PARP16: variants seen among roughly 807,000 people sequenced by gnomAD.
The protein encoded by PARP16 is protein mono-ADP-ribosyltransferase PARP16.
A neutral mutation model predicts 35.0 loss-of-function variants in PARP16; 31 were observed. That is an observed-to-expected ratio of 0.88 (90% confidence interval 0.66 to 1.19). The LOEUF (loss-of-function observed/expected upper bound fraction) is 1.19, where lower values mean the gene tolerates loss of function less well. Ranked by LOEUF, PARP16 falls within the 50% of genes most tolerant of loss-of-function variation. The pLI is 0.00. For synonymous variants in PARP16, 162 were observed against 169.5 expected (o/e 0.96, Z 0.34); for missense variants, 424 against 411.2 (o/e 1.03, Z -0.27).
chr15:65,253,752 C>T (rs918457248), downstream of PARP16, among the ~76,000 whole-genome samples: 1 of 152,200 alleles, frequency 6.6e-6, no homozygotes, highest in Admixed American at 6.5e-5. Flanking sequence ...ATCTTAGATA[C>T]TTGGATATAC....
chr15:65,270,944 C>T lies in PARP16; in HGVS notation c.303G>A (p.Gly101=), dbSNP rs1210777365. Residue 101 remains glycine (G), a synonymous_variant, in exon 2 of 6, where the codon GGG becomes GGA. Transcript: ENST00000649807. ...SSKVLTIHSA[G]KAEFEKIQKL... ...CGGACCAAAGTCTCACCTCTGCCTTCCCTGCACTGTGGATTGTCAGGACCT... is the reference window on the plus strand; with the variant it reads ...CGGACCAAAGTCTCACCTCTGCCTTTCCTGCACTGTGGATTGTCAGGACCT... 16 of 1,614,050 alleles carry T rather than the reference C, an allele frequency of 9.9e-6. No individual in the cohort carries two copies. The highest frequency in any genetic ancestry group is 1.4e-5 in the Non-Finnish European group (16 of 1,180,046).
chr15:65,264,998 G>A (rs1208023535), intron 3 of PARP16, among the ~76,000 whole-genome samples: 4 of 152,252 alleles, frequency 2.6e-5, no homozygotes, highest in Admixed American at 6.5e-5. Context: ...GAAGCCCCCT[G>A]AATTCCAGTA....
downstream of PARP16, among the ~76,000 whole-genome samples, chr15:65,254,320 T>C (rs540865016): frequency 2.6e-5 from 4 of 152,252 alleles, no homozygotes; most frequent in South Asian, 8.3e-4. Context: ...TACTTGGGAA[T>C]GTCATGATTT....
chr15:65,256,732 G>C (rs567374383), downstream of PARP16, among the ~76,000 whole-genome samples: 2 of 152,184 alleles, frequency 1.3e-5, no homozygotes, highest in African/African-American at 4.8e-5. Context: ...AGTCTTTCAA[G>C]ATCTGGTCCC....
chr15:65,275,740 TCCCAAATGGTGTA>T (rs1038768312), intron 1 of PARP16, among the ~76,000 whole-genome samples: 4 of 152,104 alleles, frequency 2.6e-5, no homozygotes, highest in Non-Finnish European at 5.9e-5. Flanking sequence ...TGAAGACATA[TCCCAAATGGTGTA>T]CCCTCAGGTA....
intron 2 of PARP16, among the ~76,000 whole-genome samples, chr15:65,269,205 T>TCTCTCTCTCTCTCTC (rs1567029678): frequency 8.8e-5 from 13 of 147,364 alleles, no homozygotes; most frequent in African/African-American, 3.3e-4. Context: ...TCTTTCTTTC[T>TCTCTCTCTCTCTCTC]TTTTTTTTTG....
intron 5 of PARP16, among the ~76,000 whole-genome samples, chr15:65,259,995 C>A (rs1240562484): frequency 6.6e-6 from 1 of 152,106 alleles, no homozygotes; most frequent in Non-Finnish European, 1.5e-5. Flanking sequence ...CAAGTGTGCA[C>A]TAAAGAGATG....
At chr15:65,235,263 C>T (rs1206150537) in intron 3 of PARP16, among the ~76,000 whole-genome samples, 7 of 151,608 alleles carry the variant, frequency 4.6e-5, no homozygotes, top group Non-Finnish European at 1.0e-4. Flanking sequence ...GCCGAGATCG[C>T]GCCACTGCAC....
chr15:65,242,924 AG>A (rs1399541337), intron 3 of PARP16, among the ~76,000 whole-genome samples: 4 of 152,086 alleles, frequency 2.6e-5, no homozygotes, highest in African/African-American at 9.7e-5. Flanking sequence ...CATGCTGGCC[AG>A]GCTGGTCTCG....
downstream of PARP16, chr15:65,234,403 G>C (rs1046781606): frequency 2.0e-5 from 3 of 152,198 alleles, no homozygotes; most frequent in Non-Finnish European, 4.4e-5. Context: ...AGACCTCTTG[G>C]GGGAGAAGCT....
At chr15:65,273,393 G>A (rs552986502) in intron 1 of PARP16, among the ~76,000 whole-genome samples, 75 of 152,090 alleles carry the variant, frequency 4.9e-4, no homozygotes, top group Non-Finnish European at 7.9e-4. Context: ...AACAGAGCCA[G>A]GTGTGGGGGC....
At chr15:65,242,171 T>C (rs953565946) in intron 3 of PARP16, among the ~76,000 whole-genome samples, 13 of 152,234 alleles carry the variant, frequency 8.5e-5, no homozygotes, top group African/African-American at 1.4e-4. Flanking sequence ...AAAAAATCAA[T>C]TGATAATATG....
At chr15:65,272,550 G>T (rs963058373) in intron 1 of PARP16, among the ~76,000 whole-genome samples, 9 of 152,102 alleles carry the variant, frequency 5.9e-5, no homozygotes, top group Non-Finnish European at 1.0e-4. Context: ...AGCATGTCTT[G>T]TTCCAAGAAT....
At chr15:65,243,481 G>C (rs1261020288) in intron 3 of PARP16, among the ~76,000 whole-genome samples, 1 of 151,918 alleles carries the variant, frequency 6.6e-6, no homozygotes, top group Non-Finnish European at 1.5e-5. Context: ...GAAATCCTGA[G>C]CTCAAGTGAT....
At chr15:65,239,149 T>C (rs1235396941) in intron 3 of PARP16, among the ~76,000 whole-genome samples, 1 of 151,474 alleles carries the variant, frequency 6.6e-6, no homozygotes, top group Admixed American at 6.6e-5. Context: ...AAAGGAAGGC[T>C]GGGTGCGGTG....
chr15:65,267,887 T>C (rs755100390), intron 2 of PARP16, among the ~76,000 whole-genome samples: 12 of 151,680 alleles, frequency 7.9e-5, no homozygotes, highest in Non-Finnish European at 1.8e-4. Flanking sequence ...GAGATGGGGT[T>C]TCACCATCTT....
At chr15:65,247,452 T>C (rs759745441) in intron 3 of PARP16, among the ~76,000 whole-genome samples, 12 of 152,160 alleles carry the variant, frequency 7.9e-5, no homozygotes, top group Non-Finnish European at 1.6e-4. Context: ...ATCTTCCAAT[T>C]TGACCTCTAA....
chr15:65,240,893 T>TG (rs1225528695), intron 3 of PARP16, among the ~76,000 whole-genome samples: 10 of 151,914 alleles, frequency 6.6e-5, no homozygotes, highest in Non-Finnish European at 1.3e-4. Flanking sequence ...AGTGCAGTGG[T>TG]GCAATCTCGG....
rs1370878811 is a variant in PARP16 at position 65,258,114 on chromosome 15, CTTTA to C, written c.*1289_*1292del. On this transcript the variant is annotated 3_prime_UTR_variant, in exon 6 of 6. Transcript: ENST00000649807. ...GCAACTTAAATCATTAAGAAAATAT[CTTTA>C]TTTATTCTGAAATGTTCCAATAATC... 2 of 152,218 alleles carry C rather than the reference CTTTA, an allele frequency of 1.3e-5. No individual in the cohort carries two copies. The highest frequency in any genetic ancestry group is 6.5e-5 in the Admixed American group (1 of 15,288). The allele number at this position is 152,218 out of a possible 1,614,324, so 9.4% of individuals were successfully genotyped here.
Sources: allele counts gnomAD v4.1 joint callset (sites outside exome capture counted in the v4.1 genomes callset), GRCh38; gene constraint gnomAD v4.1.1; transcripts MANE v1.5; gene names NCBI Gene and HGNC (gene_info 2026-07-23, HGNC 2026-07-21).